The following SGPP2 variants were observed in gnomAD, a reference collection of about 807,000 sequenced individuals.
SGPP2 encodes the protein sphingosine 1-phosphate phosphohydrolase 2.
Under a neutral mutation model 33.9 loss-of-function variants are expected in SGPP2, and 30 were observed. The observed-to-expected ratio is 0.89, with a 90% CI of 0.66 to 1.20. The LOEUF is 1.20. Among genes scored for constraint, SGPP2 ranks in the 50% most tolerant of loss-of-function variants. SGPP2 has a pLI of 0.00. For missense variants in SGPP2, 458 were observed against 532.1 expected, an observed-to-expected ratio of 0.86 and a Z score of 1.37; for synonymous variants, 233 against 225.0, an observed-to-expected ratio of 1.04 and a Z score of -0.32.
rs34056381 is a variant in SGPP2 at position 222,561,534 on chromosome 2, TTA to T, written c.*2652_*2653del. Among the ~76,000 whole-genome samples, 25,871 of 145,694 alleles carry T rather than the reference TTA, an allele frequency of 0.18. 2,683 individuals are homozygous for T. The highest frequency in any genetic ancestry group is 0.26 in the East Asian group (1,340 of 5,086). Reference sequence around the variant, plus strand: ...ATATATATGATATATATATATCATTTTATATATATATATATATCATATACATA... The same window carrying T: ...ATATATATGATATATATATATCATTTTATATATATATATATCATATACATA... On this transcript the variant is annotated 3_prime_UTR_variant, in exon 5 of 5. Coordinates refer to ENST00000321276, the MANE Select transcript of SGPP2 (RefSeq NM_152386.4).
intron 2 of SGPP2, among the ~76,000 whole-genome samples, chr2:222,515,557 G>A (rs1229673755): frequency 2.6e-5 from 4 of 151,890 alleles, no homozygotes; most frequent in East Asian, 3.9e-4. Flanking sequence ...TCAAACTACC[G>A]ACCTCAGATG....
intron 4 of SGPP2, among the ~76,000 whole-genome samples, chr2:222,534,076 T>C (rs1326109953): frequency 6.6e-6 from 1 of 152,208 alleles, no homozygotes; most frequent in Non-Finnish European, 1.5e-5. Context: ...TCCCATGATA[T>C]GCTCTCTGCA....
Position 222,453,786 on chromosome 2 carries a change from G to A in SGPP2, c.220-20782G>A, listed in dbSNP as rs527624043. 1.3e-5 allele frequency among the ~76,000 whole-genome samples: 2 copies of A among 152,262 alleles called. 1 individual carries two copies. The highest frequency in any genetic ancestry group is 4.8e-5 in the African/African-American group (2 of 41,568). On this transcript the variant is annotated intron_variant, in intron 1 of 4. Coordinates refer to ENST00000321276, the MANE Select transcript of SGPP2 (RefSeq NM_152386.4). ...TTAACAGTAGGCTATTAGTAGTCAA[G>A]CTTTTAGGGAACCAAATGTTATATG...
At chr2:222,527,840 A>T (rs1437716983) in intron 4 of SGPP2, among the ~76,000 whole-genome samples, 2 of 152,344 alleles carry the variant, frequency 1.3e-5, no homozygotes, top group African/African-American at 2.4e-5. Context: ...TAGTAGGATA[A>T]GGTAGAATTA....
rs1698694328 is a variant in SGPP2, at chr2:222,522,002, G to A, written c.558+56G>A. 11 of 1,435,478 alleles carry A rather than the reference G, an allele frequency of 7.7e-6. No individual in the cohort carries two copies. In the South Asian group the frequency reaches 1.2e-4, roughly 15 times the overall value. 88.9% of individuals were successfully genotyped at this position (1,435,478 alleles called of 1,614,324 possible). A position where few individuals can be genotyped will look rare whatever the true frequency, so the allele number is the denominator to read the frequency against. On this transcript the variant is annotated intron_variant, in intron 3 of 4. Coordinates refer to ENST00000321276, the MANE Select transcript of SGPP2 (RefSeq NM_152386.4). ...CCTACTGAGGCAGCAAATAGAGGCT[G>A]CACTTCTGAATTTTCTCTTAAAGCT...
At chr2:222,431,277 G>A (rs1294012453) in intron 1 of SGPP2, among the ~76,000 whole-genome samples, 1 of 151,818 alleles carries the variant, frequency 6.6e-6, no homozygotes, top group Non-Finnish European at 1.5e-5. Context: ...GGCCAAGGAA[G>A]TCGGATCACT....
intron 4 of SGPP2, among the ~76,000 whole-genome samples, chr2:222,553,486 T>C (rs2106156691): frequency 1.3e-5 from 2 of 152,306 alleles, no homozygotes; most frequent in Middle Eastern, 6.8e-3. Context: ...TTTCCGAGTT[T>C]TCTATTTAGA....
chr2:222,443,322 C>T (rs2106068735), intron 1 of SGPP2, among the ~76,000 whole-genome samples: 1 of 152,092 alleles, frequency 6.6e-6, no homozygotes, highest in Non-Finnish European at 1.5e-5. Flanking sequence ...ATCCCATCGC[C>T]CAAGGTAGTG....
intron 1 of SGPP2, among the ~76,000 whole-genome samples, chr2:222,440,560 C>T (rs1697309964): frequency 1.3e-5 from 2 of 152,084 alleles, no homozygotes; most frequent in African/African-American, 4.8e-5. Context: ...TCAGGCTGGT[C>T]TCAAACTCCT....
Position 222,445,576 on chromosome 2 carries a change from C to T in SGPP2, c.219+20755C>T, listed in dbSNP as rs373058791. 8.3e-4 allele frequency among the ~76,000 whole-genome samples: 126 copies of T among 152,120 alleles called. 1 individual carries two copies. The highest frequency in any genetic ancestry group is 2.8e-3 in the African/African-American group (116 of 41,430). ...TTCCTGAGGGAGAAGGACTGTGCTA[C>T]CCTTGGGACTAGGATGACCCCGTCT... On this transcript the variant is annotated intron_variant, in intron 1 of 4. Coordinates refer to ENST00000321276, the MANE Select transcript of SGPP2 (RefSeq NM_152386.4).
intron 2 of SGPP2, among the ~76,000 whole-genome samples, chr2:222,510,300 G>A (rs2106124681): frequency 6.6e-6 from 1 of 152,208 alleles, no homozygotes; most frequent in Non-Finnish European, 1.5e-5. Context: ...CTGGTAAGCT[G>A]AGAAAAAAAG....
At chr2:222,518,323 C>T (rs1698636008) in intron 2 of SGPP2, among the ~76,000 whole-genome samples, 1 of 152,104 alleles carries the variant, frequency 6.6e-6, no homozygotes, top group African/African-American at 2.4e-5. Context: ...ACTCATGAAC[C>T]TCAAAGAAAT....
At chr2:222,558,224 G>A (rs1689449805) in intron 4 of SGPP2, 123 bp from the exon 5 acceptor site, 4 of 1,122,070 alleles carry the variant, frequency 3.6e-6, no homozygotes, top group East Asian at 5.0e-5. Context: ...AACATGTACT[G>A]TAAAATAAAA....
At chr2:222,490,091 G>GT (rs1414850130) in intron 2 of SGPP2, among the ~76,000 whole-genome samples, 5 of 152,198 alleles carry the variant, frequency 3.3e-5, no homozygotes, top group Admixed American at 2.0e-4. Flanking sequence ...GTGCTCATCT[G>GT]TGTCTAGCCC....
At chr2:222,426,657 C>T (rs2106052050) in intron 1 of SGPP2, among the ~76,000 whole-genome samples, 1 of 152,248 alleles carries the variant, frequency 6.6e-6, no homozygotes, top group East Asian at 1.9e-4. Flanking sequence ...GCTGAATGCC[C>T]AAGATAAGAA....
At chr2:222,542,104 G>GTAC (rs1015928094) in intron 4 of SGPP2, among the ~76,000 whole-genome samples, 4 of 151,922 alleles carry the variant, frequency 2.6e-5, no homozygotes, top group African/African-American at 9.7e-5. Flanking sequence ...CTCCCCAAAG[G>GTAC]TACCCGCTCC....
At position 222,458,812 on chromosome 2, in the gene SGPP2, C is replaced by T. The variant is rs540003314; in HGVS notation, c.220-15756C>T. On this transcript the variant is annotated intron_variant, in intron 1 of 4. Coordinates refer to ENST00000321276, the MANE Select transcript of SGPP2 (RefSeq NM_152386.4). The stretch of plus-strand genomic sequence containing the variant: ...TTTCCTCACCTCACCCCCAGCCCAG[C>T]GCAAGCACTAATTGACTTTGTCTCT... 3.3e-5 allele frequency among the ~76,000 whole-genome samples: 5 copies of T among 152,164 alleles called. No individual in the cohort carries two copies. The East Asian group carries it at 9.6e-4, about 29-fold the overall frequency.
chr2:222,491,890 G>A (rs1698202501), intron 2 of SGPP2, among the ~76,000 whole-genome samples: 1 of 152,192 alleles, frequency 6.6e-6, no homozygotes, highest in South Asian at 2.1e-4. Flanking sequence ...TACAATGGGG[G>A]TACAGGCATT....
chr2:222,432,660 A>G (rs1248535551), intron 1 of SGPP2, among the ~76,000 whole-genome samples: 1 of 152,236 alleles, frequency 6.6e-6, no homozygotes, highest in Non-Finnish European at 1.5e-5. Flanking sequence ...GTAAAGAAAC[A>G]GAAGCCTCAA....
Sources: allele counts gnomAD v4.1 joint callset (sites outside exome capture counted in the v4.1 genomes callset), GRCh38; gene constraint gnomAD v4.1.1; transcripts MANE v1.5; gene names NCBI Gene and HGNC (gene_info 2026-07-23, HGNC 2026-07-21).